The following CSMD2 variants were observed in gnomAD, a reference collection of about 807,000 sequenced individuals.
CSMD2 encodes the protein CUB and Sushi multiple domains 2.
CSMD2 carries 130 observed loss-of-function variants against 398.5 expected under a neutral mutation model. The observed-to-expected ratio is 0.33, with a 90% CI of 0.28 to 0.38. The LOEUF (loss-of-function observed/expected upper bound fraction) is 0.38, where lower values mean the gene tolerates loss of function less well. Among genes scored for constraint, CSMD2 ranks in the 10% least tolerant of loss-of-function variants. The probability of loss-of-function intolerance (pLI) is 1.00; values close to 1 mark genes in which losing one functional copy is unlikely to be tolerated. For missense variants in CSMD2, 3,829 were observed against 4,764.9 expected (o/e 0.80, Z 5.78); for synonymous variants, 1,828 against 1,908.5 (o/e 0.96, Z 1.10).
chr1:33,698,688 A>G, intron 24 of CSMD2, 65 bp downstream of exon 24: 1 of 1,467,310 alleles, frequency 6.8e-7, no homozygotes, highest in South Asian at 1.3e-5. Context: ...CTGGAATGAG[A>G]CCAGGACTAG....
chr1:33,548,105 G>A (rs1196489599), intron 56 of CSMD2, among the ~76,000 whole-genome samples: 1 of 152,184 alleles, frequency 6.6e-6, no homozygotes, highest in East Asian at 1.9e-4. Flanking sequence ...TGCCATGATT[G>A]TAAGTTTCCT....
chr1:33,817,090 G>A (rs3845473), intron 9 of CSMD2, among the ~76,000 whole-genome samples: 104,012 of 151,730 alleles, frequency 0.69, 36,887 homozygotes, highest in African/African-American at 0.89. Context: ...ACAGAATAGT[G>A]ATTGCGATTA....
chr1:33,749,567 G>A (rs1647927120), intron 13 of CSMD2, among the ~76,000 whole-genome samples: 1 of 151,964 alleles, frequency 6.6e-6, no homozygotes, highest in Non-Finnish European at 1.5e-5. Flanking sequence ...AGAGAAGAGA[G>A]AATAAACTTA....
At chr1:33,722,089 T>C (rs1192336481) in intron 19 of CSMD2, among the ~76,000 whole-genome samples, 1 of 152,238 alleles carries the variant, frequency 6.6e-6, no homozygotes. Context: ...CTATGTTTAT[T>C]TAACATTTCC....
At chr1:33,612,986 A>G (rs1641127346) in intron 40 of CSMD2, among the ~76,000 whole-genome samples, 1 of 152,252 alleles carries the variant, frequency 6.6e-6, no homozygotes, top group Non-Finnish European at 1.5e-5. Flanking sequence ...TGCGGGCTGC[A>G]GGCCCACAGA....
chr1:33,664,789 C>T (rs532678498), intron 25 of CSMD2, among the ~76,000 whole-genome samples: 11 of 151,148 alleles, frequency 7.3e-5, no homozygotes, highest in Middle Eastern at 3.4e-3. Flanking sequence ...GGCGACACAG[C>T]GAGACTCCGT....
chr1:33,724,661 T>A lies in CSMD2; in HGVS notation c.2739A>T (p.Pro913=), dbSNP rs745640318. 3 of 1,614,074 alleles carry A rather than the reference T, an allele frequency of 1.9e-6. No homozygotes were observed. The East Asian group carries it at 6.7e-5, about 36-fold the overall frequency. ...QSDHCLDPGI[P]VNGQRHGNDF... ...CATTCCCATGACGCTGTCCATTTAC[T>A]GGGATTCCTGGATCCAGACAGTGGT... The change falls in exon 18 of 71, where the codon CCA becomes CCT. Residue 913 remains proline, a synonymous_variant. Coordinates refer to ENST00000373381, the MANE Select transcript of CSMD2 (RefSeq NM_001281956.2).
intron 1 of CSMD2, among the ~76,000 whole-genome samples, chr1:34,092,861 AG>A (rs1172349186): frequency 6.6e-6 from 1 of 152,190 alleles, no homozygotes; most frequent in Non-Finnish European, 1.5e-5. Flanking sequence ...AGGCTTGCTT[AG>A]GTAAACAAAG....
intron 12 of CSMD2, among the ~76,000 whole-genome samples, chr1:33,786,207 T>C (rs1248651357): frequency 3.9e-5 from 6 of 152,236 alleles, no homozygotes; most frequent in African/African-American, 4.8e-5. Context: ...AGTATTGTCA[T>C]CCCTTTCAAG....
At chr1:33,875,169 T>C (rs1215415375) in intron 5 of CSMD2, among the ~76,000 whole-genome samples, 1 of 152,178 alleles carries the variant, frequency 6.6e-6, no homozygotes, top group African/African-American at 2.4e-5. Context: ...GCCTCCAATG[T>C]CATGGGCAAA....
chr1:34,036,853 CTATTT>C (rs1409894911), intron 2 of CSMD2, among the ~76,000 whole-genome samples: 10 of 152,184 alleles, frequency 6.6e-5, no homozygotes, highest in Admixed American at 5.2e-4. Context: ...CTCCTGATTC[CTATTT>C]TATTTACTGT....
At chr1:33,608,358 G>A (rs776136765) in intron 41 of CSMD2, among the ~76,000 whole-genome samples, 3 of 152,168 alleles carry the variant, frequency 2.0e-5, no homozygotes, top group Non-Finnish European at 4.4e-5. Flanking sequence ...CAGTGCACGG[G>A]GTGGGCCCAG....
chr1:34,068,785 T>G (rs1655397402), intron 2 of CSMD2, among the ~76,000 whole-genome samples: 1 of 152,304 alleles, frequency 6.6e-6, no homozygotes, highest in East Asian at 1.9e-4. Context: ...GTCTTTCCCC[T>G]GCTGTTCTCA....
intron 1 of CSMD2, among the ~76,000 whole-genome samples, chr1:34,101,141 A>G (rs577832086): frequency 6.6e-6 from 1 of 152,316 alleles, no homozygotes; most frequent in East Asian, 1.9e-4. Flanking sequence ...GAAAAAGTCT[A>G]CCCGTTCTTC....
intron 6 of CSMD2, among the ~76,000 whole-genome samples, chr1:33,836,088 AC>A (rs1312255090): frequency 1.3e-5 from 2 of 152,106 alleles, no homozygotes; most frequent in African/African-American, 4.8e-5. Flanking sequence ...AACAGTCAGG[AC>A]CCTCAGCTGC....
rs1446543863 is a variant in CSMD2, at chr1:33,553,806, A to AG, written c.8744-3457dup. ...GAAAGTTTGAGTAAGTCTTTATTGTAGGGGGCTGTCCTGTGCATTGTAGGA... is the reference window on the plus strand; with the variant it reads ...GAAAGTTTGAGTAAGTCTTTATTGTAGGGGGGCTGTCCTGTGCATTGTAGGA... On this transcript the variant is annotated intron_variant, in intron 55 of 70. Transcript: ENST00000373381. Among the ~76,000 whole-genome samples the AG allele has an allele frequency of 2.6e-5, 4 of 152,262 alleles. No individual in the cohort carries two copies. The South Asian group carries it at 8.3e-4, about 32-fold the overall frequency.
chr1:33,983,475 G>A (rs1646242563), intron 3 of CSMD2, among the ~76,000 whole-genome samples: 1 of 152,172 alleles, frequency 6.6e-6, no homozygotes, highest in African/African-American at 2.4e-5. Flanking sequence ...ATTTCAAAGA[G>A]TCTGCAGGAA....
intron 3 of CSMD2, among the ~76,000 whole-genome samples, chr1:33,936,189 A>G (rs957720791): frequency 1.3e-5 from 2 of 152,220 alleles, no homozygotes; most frequent in Non-Finnish European, 2.9e-5. Flanking sequence ...TGAGTTTACA[A>G]CTGGATGTCC....
intron 1 of CSMD2, among the ~76,000 whole-genome samples, chr1:34,158,438 G>A (rs1433757178): frequency 1.3e-5 from 2 of 152,180 alleles, no homozygotes; most frequent in African/African-American, 4.8e-5. Flanking sequence ...GCAATGCAGT[G>A]CATTCTCGAG....
Sources: gnomAD v4.1 joint callset for allele counts (sites outside exome capture counted in the v4.1 genomes callset) on GRCh38, gnomAD v4.1.1 for gene constraint, MANE v1.5 for transcripts, NCBI Gene and HGNC (gene_info 2026-07-23, HGNC 2026-07-21) for gene names.